Variants in RNPEPL1 observed in about 807,000 individuals in gnomAD.
RNPEPL1 encodes arginyl aminopeptidase like 1.
In RNPEPL1, 46 loss-of-function variants were observed where a neutral mutation model predicts 69.0. The observed-to-expected ratio is 0.67, with a 90% CI of 0.53 to 0.85. The LOEUF (loss-of-function observed/expected upper bound fraction) is 0.85. Ranked by LOEUF, RNPEPL1 falls within the 40% of genes least tolerant of loss-of-function variation. RNPEPL1 has a pLI of 0.00. For missense variants in RNPEPL1, 869 were observed against 992.5 expected (o/e 0.88, Z 1.67); for synonymous variants, 525 against 454.1 (o/e 1.16, Z -1.98).
rs1219754008 is a variant in RNPEPL1, at chr2:240,577,474, G to A, written c.1885-125G>A. On this transcript the variant is annotated intron_variant, in intron 10 of 10. Coordinates refer to ENST00000270357, the MANE Select transcript of RNPEPL1 (RefSeq NM_018226.6). ...TAGGCCTCCTGGCCACCGGAGTCCAGGCCACAGCCCTAATGATGAAGCTGG... is the reference window on the plus strand; with the variant it reads ...TAGGCCTCCTGGCCACCGGAGTCCAAGCCACAGCCCTAATGATGAAGCTGG... 4 of 1,121,162 alleles carry A rather than the reference G, an allele frequency of 3.6e-6. No individual in the cohort carries two copies. In the African/African-American group the frequency reaches 4.7e-5, roughly 13 times the overall value. The allele number at this position is 1,121,162 out of a possible 1,614,324, so 69.5% of individuals were successfully genotyped here. A position where few individuals can be genotyped will look rare whatever the true frequency, so the allele number is the denominator to read the frequency against.
Position 240,568,615 on chromosome 2 carries a change from C to A in RNPEPL1, c.29C>A (p.Ala10Glu). ...GCCGCGCAGTGCTGCTGCCGCCAGGCGCCCGGCGCCGAGGCCGCGCCCGTC... is the reference window on the plus strand; with the variant it reads ...GCCGCGCAGTGCTGCTGCCGCCAGGAGCCCGGCGCCGAGGCCGCGCCCGTC... MAAQCCCRQ[A>E]PGAEAAPVRP... The change falls in exon 1 of 11, where the codon GCG becomes GAG. Residue 10 changes from alanine (A) to glutamate (E), a missense_variant. Physicochemically the swap from Ala to Glu is moderately radical, Grantham distance 107. Coordinates refer to ENST00000270357, the MANE Select transcript of RNPEPL1 (RefSeq NM_018226.6). The surrounding 1 kb of genome is among the most constrained non-coding windows in gnomAD (Gnocchi z 6.2). 1 of 993,074 alleles carries A rather than the reference C, an allele frequency of 1.0e-6. No homozygotes were observed. The highest frequency in any genetic ancestry group is 1.2e-6 in the Non-Finnish European group (1 of 837,846). 61.5% of individuals were successfully genotyped at this position (993,074 alleles called of 1,614,324 possible).
rs1559415768 is a variant in RNPEPL1 at position 240,572,505 on chromosome 2, CCTT to C, written c.616_618del (p.Phe206del). 3 of 1,536,310 alleles carry C rather than the reference CCTT, an allele frequency of 2.0e-6. No individual in the cohort carries two copies. Among genetic ancestry groups the C allele is most frequent in the Admixed American group, 2.0e-5 (1 of 51,010 alleles). On this transcript the variant is annotated inframe_deletion, in exon 2 of 11. Coordinates refer to ENST00000270357, the MANE Select transcript of RNPEPL1 (RefSeq NM_018226.6). ...CAGGGCCACTCCGTGTGCAACCGCT[CCTT>C]CTTCCCGTGCTTCGACACACCTGCC...
Position 240,573,188 on chromosome 2 carries a change from A to C in RNPEPL1, c.748A>C (p.Met250Leu), listed in dbSNP as rs1025334641. The change falls in exon 3 of 11, where the codon ATG becomes CTG. Residue 250 changes from methionine to leucine, a missense_variant. Coordinates refer to ENST00000270357, the MANE Select transcript of RNPEPL1 (RefSeq NM_018226.6). ...MEEEGVFHFH[M>L]EHPVPAYLVA... The stretch of plus-strand genomic sequence containing the variant: ...GGAAGAAGGCGTCTTCCACTTCCAC[A>C]TGGAGCACCCCGTGCCCGCCTACCT... 1.2e-6 allele frequency: 2 copies of C among 1,600,772 alleles called. No homozygotes were observed.
rs1435272543 is a variant in RNPEPL1, at chr2:240,581,293, G to C, written c.*3401G>C. On this transcript the variant is annotated 3_prime_UTR_variant, in exon 11 of 11. Coordinates refer to ENST00000270357, the MANE Select transcript of RNPEPL1 (RefSeq NM_018226.6). ...AAGAGGCACTTATGAAACAAGAACA[G>C]GTAGTTTATAAAAAAGAACCAGTCA... 1 of 152,024 alleles carries C rather than the reference G, an allele frequency of 6.6e-6. No individual in the cohort carries two copies. The highest frequency in any genetic ancestry group is 1.5e-5 in the Non-Finnish European group (1 of 68,000). The allele number at this position is 152,024 out of a possible 1,614,324, so 9.4% of individuals were successfully genotyped here.
At chr2:240,572,976 T>C (rs913514616) in intron 2 of RNPEPL1, 134 bp from the exon 3 acceptor site, 2 of 1,090,682 alleles carry the variant, frequency 1.8e-6, no homozygotes, top group African/African-American at 3.2e-5. Context: ...AGAGAAGTTC[T>C]CTGACAGAAA....
intron 6 of RNPEPL1, 87 bp downstream of exon 6, chr2:240,574,715 G>A: frequency 1.7e-6 from 2 of 1,191,728 alleles, no homozygotes; most frequent in Non-Finnish European, 2.4e-6. Context: ...TCTGGCTGTG[G>A]CTTCTCTGTC....
At position 240,569,031 on chromosome 2, in the gene RNPEPL1, C is replaced by G; in HGVS notation, c.445C>G (p.Leu149Val). The change falls in exon 1 of 11, where the codon CTC becomes GTC. Residue 149 changes from leucine to valine, a missense_variant. By Grantham distance (32) the Leu-to-Val change is conservative. Coordinates refer to ENST00000270357, the MANE Select transcript of RNPEPL1 (RefSeq NM_018226.6). ...VDPFTDYGSSLTVTLPPELQA... is the reference protein window; with the variant it reads ...VDPFTDYGSSVTVTLPPELQA... ...CCCGTTCACCGACTACGGCTCCTCGCTCACCGTCACGCTGCCGCCCGAGCT... is the reference window on the plus strand; with the variant it reads ...CCCGTTCACCGACTACGGCTCCTCGGTCACCGTCACGCTGCCGCCCGAGCT... 6.6e-7 allele frequency: 1 copy of G among 1,511,358 alleles called. No homozygotes were observed. The highest frequency in any genetic ancestry group is 2.7e-5 in the East Asian group (1 of 37,312). 93.6% of individuals were successfully genotyped at this position (1,511,358 alleles called of 1,614,324 possible). A position where few individuals can be genotyped will look rare whatever the true frequency, so the allele number is the denominator to read the frequency against.
chr2:240,570,378 T>C (rs1245633557), intron 1 of RNPEPL1, among the ~76,000 whole-genome samples: 2 of 152,206 alleles, frequency 1.3e-5, no homozygotes, highest in Non-Finnish European at 2.9e-5. Flanking sequence ...GTGTCAGGGT[T>C]GGCAGGCTGT....
rs1413455725 is a variant in RNPEPL1, at chr2:240,578,327, C to G, written c.*435C>G. 6.3e-6 allele frequency: 1 copy of G among 158,176 alleles called. No individual in the cohort carries two copies. Among genetic ancestry groups the G allele is most frequent in the African/African-American group, 2.4e-5 (1 of 41,682 alleles). 9.8% of individuals were successfully genotyped at this position (158,176 alleles called of 1,614,324 possible). A position where few individuals can be genotyped will look rare whatever the true frequency, so the allele number is the denominator to read the frequency against. On this transcript the variant is annotated 3_prime_UTR_variant, in exon 11 of 11. Transcript: ENST00000270357. ...CCTTGCAGGGATCTGAGCCACCCTC[C>G]CCGCACAGCCCTGCACCCCGCCCCT...
rs757092739 is a variant in RNPEPL1 at position 240,577,925 on chromosome 2, ACAC to A, written c.*37_*39del. The stretch of plus-strand genomic sequence containing the variant: ...GGCGGGCTGACCCTCGACCTCCCAG[ACAC>A]CACAATTGTGCCTTCTGTGGGCCAG... On this transcript the variant is annotated 3_prime_UTR_variant, in exon 11 of 11. Coordinates refer to ENST00000270357, the MANE Select transcript of RNPEPL1 (RefSeq NM_018226.6). 56 of 1,452,196 alleles carry A rather than the reference ACAC, an allele frequency of 3.9e-5. No individual in the cohort carries two copies. The highest frequency in any genetic ancestry group is 4.6e-5 in the Non-Finnish European group (50 of 1,093,694). 90.0% of individuals were successfully genotyped at this position (1,452,196 alleles called of 1,614,324 possible). A position where few individuals can be genotyped will look rare whatever the true frequency, so the allele number is the denominator to read the frequency against.
Position 240,578,837 on chromosome 2 carries a change from T to G in RNPEPL1, c.*945T>G, listed in dbSNP as rs1266032411. 1 of 152,632 alleles carries G rather than the reference T, an allele frequency of 6.6e-6. No individual in the cohort carries two copies. Among genetic ancestry groups the G allele is most frequent in the Non-Finnish European group, 1.5e-5 (1 of 68,306 alleles). The allele number at this position is 152,632 out of a possible 1,614,324, so 9.5% of individuals were successfully genotyped here. A position where few individuals can be genotyped will look rare whatever the true frequency, so the allele number is the denominator to read the frequency against. Reference sequence around the variant, plus strand: ...GGCCTGGAGCTGGTCAGGAGCTGGGTGTGGCCCCCTCCTCTGATACATAAG... The same window carrying G: ...GGCCTGGAGCTGGTCAGGAGCTGGGGGTGGCCCCCTCCTCTGATACATAAG... On this transcript the variant is annotated 3_prime_UTR_variant, in exon 11 of 11. Coordinates refer to ENST00000270357, the MANE Select transcript of RNPEPL1 (RefSeq NM_018226.6).
Position 240,580,506 on chromosome 2 carries a change from C to T in RNPEPL1, c.*2614C>T, listed in dbSNP as rs1470036220. 6.6e-6 allele frequency: 1 copy of T among 152,368 alleles called. No homozygotes were observed. Among genetic ancestry groups the T allele is most frequent in the Non-Finnish European group, 1.5e-5 (1 of 68,174 alleles). 9.4% of individuals were successfully genotyped at this position (152,368 alleles called of 1,614,324 possible). A position where few individuals can be genotyped will look rare whatever the true frequency, so the allele number is the denominator to read the frequency against. On this transcript the variant is annotated 3_prime_UTR_variant, in exon 11 of 11. Coordinates refer to ENST00000270357, the MANE Select transcript of RNPEPL1 (RefSeq NM_018226.6). ...AAAGCTTTCTCATGCTGCAGGCCCA[C>T]CTCAGGCTGGCAGGGGAAGGGGGGA...
chr2:240,575,145 G>C lies in RNPEPL1; in HGVS notation c.1401+3G>C. ...AGCGCTTTGATGACTTTCTCCGAGT[G>C]AGCAGCCCCCTGCCCGGGACGGCCC... On this transcript the variant is annotated splice_donor_region_variant and intron_variant, in intron 7 of 10. Transcript: ENST00000270357. 3 of 1,610,718 alleles carry C rather than the reference G, an allele frequency of 1.9e-6. No homozygotes were observed. The highest frequency in any genetic ancestry group is 2.5e-6 in the Non-Finnish European group (3 of 1,177,634).
At chr2:240,575,465 C>T (rs1167991512) in intron 7 of RNPEPL1, 37 bp from the exon 8 acceptor site, 12 of 1,570,778 alleles carry the variant, frequency 7.6e-6, no homozygotes, top group African/African-American at 2.7e-5. Context: ...GTGCCCCACC[C>T]TTCCAGGCCT....
At chr2:240,573,033 G>A in intron 2 of RNPEPL1, 77 bp from the exon 3 acceptor site, 2 of 1,454,472 alleles carry the variant, frequency 1.4e-6, no homozygotes, top group Non-Finnish European at 1.8e-6. Flanking sequence ...ATATGGGGCT[G>A]CCTGACAGGC....
rs1460656583 is a variant in RNPEPL1, at chr2:240,577,592, C to G, written c.1885-7C>G. On this transcript the variant is annotated splice_region_variant and splice_polypyrimidine_tract_variant and intron_variant, in intron 10 of 10. Coordinates refer to ENST00000270357, the MANE Select transcript of RNPEPL1 (RefSeq NM_018226.6). ...CCCACCAGTGTGACCGAGTGCCCCT[C>G]CTGCAGATGTCACGCATGTACACCA... is the stretch of plus-strand genomic sequence containing the variant. The G allele has an allele frequency of 1.3e-6, 2 of 1,553,448 alleles. No homozygotes were observed. The highest frequency in any genetic ancestry group is 1.8e-6 in the Non-Finnish European group (2 of 1,141,248).
At chr2:240,571,046 G>A (rs749236655) in intron 1 of RNPEPL1, among the ~76,000 whole-genome samples, 6 of 152,110 alleles carry the variant, frequency 3.9e-5, no homozygotes, top group Non-Finnish European at 8.8e-5. Context: ...TGAAGGGTTG[G>A]GGAGACTCCT....
At position 240,572,464 on chromosome 2, in the gene RNPEPL1, G is replaced by A; in HGVS notation, c.570G>A (p.Lys190=). The change falls in exon 2 of 11, where the codon AAG becomes AAA. Residue 190 remains lysine, a synonymous_variant. Transcript: ENST00000270357. ...LDPELTYGCA[K]PFVFTQGHSV... ...CAGAGCTGACCTATGGCTGCGCCAA[G>A]CCCTTCGTCTTCACCCAGGGCCACT... 2.0e-6 allele frequency: 3 copies of A among 1,536,284 alleles called. No homozygotes were observed. The highest frequency in any genetic ancestry group is 2.6e-6 in the Non-Finnish European group (3 of 1,146,882).
chr2:240,568,704 C>A lies in RNPEPL1; in HGVS notation c.118C>A (p.Arg40Ser). 1 of 1,067,724 alleles carries A rather than the reference C, an allele frequency of 9.4e-7. No individual in the cohort carries two copies. Among genetic ancestry groups the A allele is most frequent in the Non-Finnish European group, 1.1e-6 (1 of 877,460 alleles). 66.1% of individuals were successfully genotyped at this position (1,067,724 alleles called of 1,614,324 possible). ...VASASSAQLF[R>S]LRHLQLGLEL... ...CTCGGCCTCCAGCGCGCAGCTCTTC[C>A]GCCTCCGCCACCTGCAGCTGGGCCT... The change falls in exon 1 of 11, where the codon CGC becomes AGC. Residue 40 changes from arginine to serine, a missense_variant. Physicochemically the swap from Arg to Ser is moderately radical, Grantham distance 110. This residue lies in a region of RNPEPL1 where 259 missense variants were observed against 201.5 expected (regional missense o/e 1.29). Transcript: ENST00000270357. The surrounding 1 kb of genome is among the most constrained non-coding windows in gnomAD (Gnocchi z 6.2).
Sources: allele counts gnomAD v4.1 joint callset (sites outside exome capture counted in the v4.1 genomes callset), GRCh38; gene constraint gnomAD v4.1.1; regional missense constraint gnomAD v4.1.1; non-coding constraint Gnocchi (gnomAD v3.1); transcripts MANE v1.5; gene names NCBI Gene and HGNC (gene_info 2026-07-23, HGNC 2026-07-21).